The following SCFD2 variants were observed in gnomAD, a reference collection of about 807,000 sequenced individuals.
The protein encoded by SCFD2 is sec1 family domain containing 2.
SCFD2 carries 54 observed loss-of-function variants against 58.9 expected under a neutral mutation model. That is an observed-to-expected ratio of 0.92 (90% CI 0.74 to 1.15). The LOEUF is 1.15. Among genes scored for constraint, SCFD2 ranks in the 50% most tolerant of loss-of-function variants. The probability of loss-of-function intolerance (pLI) is 0.00; values close to 1 mark genes in which losing one functional copy is unlikely to be tolerated. For missense variants in SCFD2, 805 were observed against 836.6 expected, an observed-to-expected ratio of 0.96 and a Z score of 0.47; for synonymous variants, 321 against 335.9, an observed-to-expected ratio of 0.96 and a Z score of 0.49.
rs865863093 is a variant in SCFD2, at chr4:53,152,619, T to C, written c.1312-7037A>G. Among the ~76,000 whole-genome samples the C allele has an allele frequency of 2.0e-5, 3 of 152,314 alleles. No individual in the cohort carries two copies. In the South Asian group the frequency reaches 6.2e-4, roughly 32 times the overall value. On this transcript the variant is annotated intron_variant, in intron 4 of 8. Coordinates refer to ENST00000401642, the MANE Select transcript of SCFD2 (RefSeq NM_152540.4). ...CCATCCATGGCCTCCTCAAATCTCA[T>C]GTCCTCGCAATAAAAAATACAGTCA... is the stretch of plus-strand genomic sequence containing the variant.
intron 5 of SCFD2, among the ~76,000 whole-genome samples, chr4:52,930,496 A>G (rs1719966010): frequency 6.6e-6 from 1 of 152,190 alleles, no homozygotes; most frequent in Non-Finnish European, 1.5e-5. Context: ...CAACGAAAGC[A>G]AAAATTGACA....
intron 5 of SCFD2, among the ~76,000 whole-genome samples, chr4:52,939,126 T>C (rs967729512): frequency 6.6e-6 from 1 of 152,166 alleles, no homozygotes; most frequent in Non-Finnish European, 1.5e-5. Flanking sequence ...ACTGAGATTG[T>C]GGGGTTGTTT....
intron 3 of SCFD2, among the ~76,000 whole-genome samples, chr4:53,275,708 A>G (rs1731306618): frequency 6.6e-6 from 1 of 152,036 alleles, no homozygotes; most frequent in Non-Finnish European, 1.5e-5. Flanking sequence ...ATGAACCCTT[A>G]TCCGTGTTTA....
At chr4:53,137,021 C>G (rs1725962385) in intron 5 of SCFD2, among the ~76,000 whole-genome samples, 1 of 152,178 alleles carries the variant, frequency 6.6e-6, no homozygotes, top group African/African-American at 2.4e-5. Flanking sequence ...AGAATTTCCT[C>G]TGTTAGAGAA....
At chr4:53,231,437 A>T (rs570213054) in intron 4 of SCFD2, among the ~76,000 whole-genome samples, 10 of 152,346 alleles carry the variant, frequency 6.6e-5, no homozygotes, top group Non-Finnish European at 1.2e-4. Flanking sequence ...ATAAGAAATC[A>T]TCTCCATTTG....
chr4:53,011,266 C>G (rs4864441), intron 5 of SCFD2, among the ~76,000 whole-genome samples: 6 of 151,842 alleles, frequency 4.0e-5, no homozygotes, highest in East Asian at 1.9e-4. Flanking sequence ...TTTTTCCCCC[C>G]CAAAGAAGTC....
intron 1 of SCFD2, among the ~76,000 whole-genome samples, chr4:53,361,312 C>T (rs1051023187): frequency 1.3e-5 from 2 of 152,140 alleles, no homozygotes; most frequent in African/African-American, 4.8e-5. Context: ...ACTTTTGAGC[C>T]TCAATATCTT....
chr4:53,249,820 C>G (rs1381330909), intron 4 of SCFD2, among the ~76,000 whole-genome samples: 1 of 152,202 alleles, frequency 6.6e-6, no homozygotes, highest in Non-Finnish European at 1.5e-5. Context: ...TGGAAAGGAA[C>G]AACCGGTACC....
intron 4 of SCFD2, among the ~76,000 whole-genome samples, chr4:53,176,947 CAAAAA>C (rs3064988): frequency 2.4e-5 from 3 of 124,684 alleles, no homozygotes; most frequent in Admixed American, 8.1e-5. Flanking sequence ...ACAACAATCT[CAAAAA>C]AAAAAAAAAA....
rs139921614 is a variant in SCFD2 at position 53,286,067 on chromosome 4, A to AT, written c.1136-12067dup. Among the ~76,000 whole-genome samples the AT allele has an allele frequency of 8.4e-3, 1,284 of 152,180 alleles. 22 individuals carry two copies. The highest frequency in any genetic ancestry group is 0.03 in the African/African-American group (1,242 of 41,516). ...ATCCCATCATCCCTGAGGCTCTGCCATTGTTGCACCACATTCACGTACACA... is the reference window on the plus strand; with the variant it reads ...ATCCCATCATCCCTGAGGCTCTGCCATTTGTTGCACCACATTCACGTACACA... On this transcript the variant is annotated intron_variant, in intron 3 of 8. Coordinates refer to ENST00000401642, the MANE Select transcript of SCFD2 (RefSeq NM_152540.4).
intron 5 of SCFD2, among the ~76,000 whole-genome samples, chr4:52,974,525 C>T (rs1577872452): frequency 6.6e-6 from 1 of 152,120 alleles, no homozygotes; most frequent in East Asian, 1.9e-4. Context: ...AAAGAGGATA[C>T]AAACAAATGG....
At chr4:53,176,482 A>G (rs942142384) in intron 4 of SCFD2, among the ~76,000 whole-genome samples, 2 of 152,192 alleles carry the variant, frequency 1.3e-5, no homozygotes, top group African/African-American at 4.8e-5. Flanking sequence ...AAACACTCTC[A>G]CTTTCACCAC....
At chr4:53,208,614 G>T (rs539785961) in intron 4 of SCFD2, among the ~76,000 whole-genome samples, 1 of 152,256 alleles carries the variant, frequency 6.6e-6, no homozygotes, top group East Asian at 1.9e-4. Context: ...GTTCTATGCT[G>T]CACCATGGCA....
intron 5 of SCFD2, among the ~76,000 whole-genome samples, chr4:53,130,449 G>A (rs985078723): frequency 2.6e-5 from 4 of 152,118 alleles, no homozygotes; most frequent in South Asian, 2.1e-4. Context: ...TATGGTAGAC[G>A]TATCTAGTTT....
chr4:53,144,008 G>T (rs757273160), intron 5 of SCFD2, among the ~76,000 whole-genome samples: 2 of 152,014 alleles, frequency 1.3e-5, no homozygotes, highest in Non-Finnish European at 2.9e-5. Flanking sequence ...GAGTTATATT[G>T]CAGTTATTAT....
chr4:53,249,191 G>C (rs945785174), intron 4 of SCFD2, among the ~76,000 whole-genome samples: 6 of 152,158 alleles, frequency 3.9e-5, no homozygotes, highest in Non-Finnish European at 7.3e-5. Context: ...AGATAAACTG[G>C]AAGAAAGGGT....
At chr4:53,101,139 C>A (rs886505959) in intron 5 of SCFD2, among the ~76,000 whole-genome samples, 2 of 152,174 alleles carry the variant, frequency 1.3e-5, no homozygotes, top group African/African-American at 4.8e-5. Flanking sequence ...CACACTTCAG[C>A]TTTCATGCAT....
chr4:53,238,220 G>T (rs1452693905), intron 4 of SCFD2, among the ~76,000 whole-genome samples: 38 of 142,230 alleles, frequency 2.7e-4, no homozygotes, highest in Non-Finnish European at 5.4e-4. Flanking sequence ...CGGCTGGCCG[G>T]GCAGAGGGGC....
At chr4:53,141,536 A>G (rs559108823) in intron 5 of SCFD2, among the ~76,000 whole-genome samples, 41 of 152,350 alleles carry the variant, frequency 2.7e-4, no homozygotes, top group Middle Eastern at 6.8e-3. Context: ...AGATGTATGA[A>G]AAGGACACCT....
Sources: allele counts gnomAD v4.1 joint callset (sites outside exome capture counted in the v4.1 genomes callset), GRCh38; gene constraint gnomAD v4.1.1; transcripts MANE v1.5; gene names NCBI Gene and HGNC (gene_info 2026-07-23, HGNC 2026-07-21).